EVC: variants seen among roughly 807,000 people sequenced by gnomAD.
EVC encodes EvC ciliary complex subunit 1.
A neutral mutation model predicts 118.9 loss-of-function variants in EVC; 116 were observed. The ratio of observed to expected loss-of-function variants is 0.98; its 90% CI spans 0.84 to 1.14. The LOEUF (loss-of-function observed/expected upper bound fraction) is 1.14. Ranked by LOEUF, EVC falls within the 50% of genes most tolerant of loss-of-function variation. The probability of loss-of-function intolerance (pLI) is 0.00; values close to 1 mark genes in which losing one functional copy is unlikely to be tolerated. For synonymous variants in EVC, 619 were observed against 534.7 expected, an observed-to-expected ratio of 1.16 and a Z score of -2.18; for missense variants, 1,401 against 1,246.4, an observed-to-expected ratio of 1.12 and a Z score of -1.87.
In EVC at chr4:5,733,451, C is replaced by A; in HGVS notation, c.702+16C>A. The A allele has an allele frequency of 6.2e-7, 1 of 1,603,982 alleles. No homozygotes were observed. The highest frequency in any genetic ancestry group is 1.1e-5 in the South Asian group (1 of 90,830). On this transcript the variant is annotated intron_variant, in intron 5 of 20. Transcript: ENST00000264956. ...AAAGCATATGGTAGGTGGAGATGTT[C>A]GCATTCCCTCCTTTTCATGGGGACA...
At position 5,798,286 on chromosome 4, in the gene EVC, A is replaced by T. The variant is rs1714343284; in HGVS notation, c.2098-300A>T. Among the ~76,000 whole-genome samples the T allele has an allele frequency of 6.6e-6, 1 of 152,158 alleles. No individual in the cohort carries two copies. ...CGTGTCCTCCTCAGTGCTAGTGTTC[A>T]GGTCTCATGATGTTCTAGAAGGATG... On this transcript the variant is annotated intron_variant, in intron 14 of 20. Coordinates refer to ENST00000264956, the MANE Select transcript of EVC (RefSeq NM_153717.3). This position sits in a 1 kb window ranked among gnomAD's most constrained non-coding sequence, Gnocchi z 4.1.
In EVC at chr4:5,798,878, C is replaced by T. The variant is rs190157542; in HGVS notation, c.2304+86C>T. 1.6e-5 allele frequency: 22 copies of T among 1,381,956 alleles called. No homozygotes were observed. The highest frequency in any genetic ancestry group is 7.8e-5 in the Admixed American group (4 of 51,402). The allele number at this position is 1,381,956 out of a possible 1,614,324, so 85.6% of individuals were successfully genotyped here. On this transcript the variant is annotated intron_variant, in intron 15 of 20. Transcript: ENST00000264956. This position sits in a 1 kb window ranked among gnomAD's most constrained non-coding sequence, Gnocchi z 4.1. ...TGCCTGGGTCTGCTCCTTGCCACACCGTTCATGGAGCTTGTGGCCTAGTAG... is the reference window on the plus strand; with the variant it reads ...TGCCTGGGTCTGCTCCTTGCCACACTGTTCATGGAGCTTGTGGCCTAGTAG...
chr4:5,734,363 A>G (rs1727334259), intron 5 of EVC, among the ~76,000 whole-genome samples: 1 of 152,116 alleles, frequency 6.6e-6, no homozygotes, highest in Non-Finnish European at 1.5e-5. Context: ...GTTGGAGGCC[A>G]GGCATGGTGG....
intron 11 of EVC, among the ~76,000 whole-genome samples, chr4:5,763,769 T>G (rs1310338516): frequency 1.8e-5 from 2 of 109,290 alleles, no homozygotes; most frequent in East Asian, 5.3e-4. Context: ...GAGACTTTGC[T>G]GAAGTTGCTT....
Position 5,801,944 on chromosome 4 carries a change from C to T in EVC, c.2305-6C>T, listed in dbSNP as rs781705295. ...TGCTGTCCCTGTCCTTCCTTTCTTC[C>T]CTCAGAGGACACTGATGGAGGCGGC... On this transcript the variant is annotated splice_polypyrimidine_tract_variant and splice_region_variant and intron_variant, in intron 15 of 20. Transcript: ENST00000264956. 5.3e-5 allele frequency: 86 copies of T among 1,612,820 alleles called. No individual in the cohort carries two copies. Among genetic ancestry groups the T allele is most frequent in the Non-Finnish European group, 6.9e-5 (82 of 1,179,886 alleles).
At chr4:5,819,613 C>A in the EVC span, among the ~76,000 whole-genome samples, 1 of 152,210 alleles carries the variant, frequency 6.6e-6, no homozygotes, top group Non-Finnish European at 1.5e-5. Context: ...AGAGAAGGTG[C>A]TAGGGCTGCT....
intron 8 of EVC, 132 bp downstream of exon 8, chr4:5,748,438 CCAA>C (rs1729709538): frequency 4.7e-6 from 4 of 859,326 alleles, no homozygotes; most frequent in South Asian, 3.4e-5. Flanking sequence ...GAAAAAAAAA[CCAA>C]CAACAACAGT....
chr4:5,808,374 G>T, intron 18 of EVC, 47 bp downstream of exon 18: 1 of 1,613,638 alleles, frequency 6.2e-7, no homozygotes, highest in Non-Finnish European at 8.5e-7. Context: ...GTTTAAAGAG[G>T]AGCAGAAATA....
chr4:5,801,826 A>G, intron 15 of EVC, 124 bp from the exon 16 acceptor site: 1 of 1,078,948 alleles, frequency 9.3e-7, no homozygotes, highest in East Asian at 2.5e-5. Context: ...CTTCCTGACC[A>G]ATCCAGGTTG....
chr4:5,819,833 G>C, the EVC span, among the ~76,000 whole-genome samples: 13,029 of 152,182 alleles, frequency 0.086, 815 homozygotes, highest in East Asian at 0.24. Flanking sequence ...TCAGTAGTTA[G>C]TTAACCTTGT....
At position 5,737,559 on chromosome 4, in the gene EVC, CTT is replaced by C. The variant is rs1039990678; in HGVS notation, c.702+4126_702+4127del. Among the ~76,000 whole-genome samples the C allele has an allele frequency of 4.6e-5, 7 of 152,182 alleles. No individual in the cohort carries two copies. Among genetic ancestry groups the C allele is most frequent in the Admixed American group, 4.6e-4 (7 of 15,276 alleles). On this transcript the variant is annotated intron_variant, in intron 5 of 20. Transcript: ENST00000264956. This position sits in a 1 kb window ranked among gnomAD's most constrained non-coding sequence, Gnocchi z 5.0. ...CGCTAGGGGCTAATGCGGGAGATGA[CTT>C]TAAGTTGAAGCCAGTGCTCATGCAC...
rs1440792656 is a variant in EVC, at chr4:5,780,121, T to C, written c.1564-3431T>C. ...TAATCATGTGGTTTTTGTCTTTGGTTCTGTTTATATGCTGGATTACATTTA... is the reference window on the plus strand; with the variant it reads ...TAATCATGTGGTTTTTGTCTTTGGTCCTGTTTATATGCTGGATTACATTTA... On this transcript the variant is annotated intron_variant, in intron 11 of 20. Coordinates refer to ENST00000264956, the MANE Select transcript of EVC (RefSeq NM_153717.3). Among the ~76,000 whole-genome samples the C allele has an allele frequency of 7.2e-5, 11 of 152,346 alleles. No individual in the cohort carries two copies. In the South Asian group the frequency reaches 1.7e-3, roughly 23 times the overall value.
chr4:5,720,676 G>A (rs899056719), intron 2 of EVC, among the ~76,000 whole-genome samples: 5 of 152,214 alleles, frequency 3.3e-5, no homozygotes, highest in East Asian at 1.9e-4. Flanking sequence ...CTGTAGAGGG[G>A]GGCATTGCCC....
At chr4:5,801,068 G>A (rs147500557) in intron 15 of EVC, among the ~76,000 whole-genome samples, 1 of 152,140 alleles carries the variant, frequency 6.6e-6, no homozygotes, top group Non-Finnish European at 1.5e-5. Flanking sequence ...GATGTCTCAG[G>A]GTCTCCTGTC....
Position 5,749,876 on chromosome 4 carries a change from C to T in EVC, c.1098+1570C>T, listed in dbSNP as rs1276119762. On this transcript the variant is annotated intron_variant, in intron 8 of 20. Transcript: ENST00000264956. The surrounding 1 kb of genome is among the most constrained non-coding windows in gnomAD (Gnocchi z 4.4). ...CACCACATGCCTCTCCCAATCCGCT[C>T]TGCTCCTCCAGGTGTGATCCACAGA... 6.6e-6 allele frequency among the ~76,000 whole-genome samples: 1 copy of T among 152,194 alleles called. No individual in the cohort carries two copies. Among genetic ancestry groups the T allele is most frequent in the Non-Finnish European group, 1.5e-5 (1 of 68,038 alleles).
At chr4:5,757,201 C>T (rs967572411) in intron 11 of EVC, among the ~76,000 whole-genome samples, 4 of 152,170 alleles carry the variant, frequency 2.6e-5, no homozygotes, top group Non-Finnish European at 5.9e-5. Flanking sequence ...CCCCAGGGCA[C>T]GTTGTCTCCA....
At chr4:5,797,851 T>C (rs1183620650) in intron 14 of EVC, among the ~76,000 whole-genome samples, 2 of 152,104 alleles carry the variant, frequency 1.3e-5, no homozygotes, top group African/African-American at 2.4e-5. Context: ...GCAGTTGTCA[T>C]TGGGGGTATG....
intron 11 of EVC, among the ~76,000 whole-genome samples, chr4:5,782,589 G>A (rs1452866558): frequency 6.8e-6 from 1 of 147,918 alleles, no homozygotes; most frequent in African/African-American, 2.5e-5. Context: ...TGGATTCACA[G>A]GTGTTTAATA....
At position 5,813,076 on chromosome 4, in the gene EVC, C is replaced by T. The variant is rs771190736; in HGVS notation, c.*2039C>T. On this transcript the variant is annotated 3_prime_UTR_variant, in exon 21 of 21. Coordinates refer to ENST00000264956, the MANE Select transcript of EVC (RefSeq NM_153717.3). ...AGTGGCCAAAACTTAATCATCAGAG[C>T]GCTTCCTTCAGTTCCTCACCCATCA... 5 of 152,164 alleles carry T rather than the reference C, an allele frequency of 3.3e-5. No individual in the cohort carries two copies. The highest frequency in any genetic ancestry group is 9.7e-5 in the African/African-American group (4 of 41,436). 9.4% of individuals were successfully genotyped at this position (152,164 alleles called of 1,614,324 possible).
Sources: gnomAD v4.1 joint callset for allele counts (sites outside exome capture counted in the v4.1 genomes callset) on GRCh38, gnomAD v4.1.1 for gene constraint, Gnocchi (gnomAD v3.1) non-coding constraint, MANE v1.5 for transcripts, NCBI Gene and HGNC (gene_info 2026-07-23, HGNC 2026-07-21) for gene names.